Variants in OSBPL5 observed in about 807,000 individuals in gnomAD.
OSBPL5 encodes the protein oxysterol binding protein like 5, also known as oxysterol-binding protein-related protein 5.
OSBPL5 carries 71 observed loss-of-function variants against 111.2 expected under a neutral mutation model. The observed-to-expected ratio is 0.64, with a 90% CI of 0.53 to 0.78. OSBPL5 has a LOEUF of 0.78. OSBPL5 is among the 30% of genes least tolerant of loss of function. The pLI, the probability that OSBPL5 is intolerant of heterozygous loss-of-function variation, is 0.00. For synonymous variants in OSBPL5, 549 were observed against 513.9 expected (o/e 1.07, Z -0.93); for missense variants, 1,210 against 1,189.3 (o/e 1.02, Z -0.26).
At chr11:3,097,773 A>G (rs1564825353) in intron 14 of OSBPL5, among the ~76,000 whole-genome samples, 2 of 152,180 alleles carry the variant, frequency 1.3e-5, no homozygotes, top group Non-Finnish European at 1.5e-5. Context: ...CGAGTATAAA[A>G]AGAACAGGCA....
chr11:3,092,285 A>G lies in OSBPL5; in HGVS notation c.2259+147T>C, dbSNP rs762376632. On this transcript the variant is annotated intron_variant, in intron 19 of 21. Coordinates refer to ENST00000263650, the MANE Select transcript of OSBPL5 (RefSeq NM_020896.4). The surrounding 1 kb of genome is among the most constrained non-coding windows in gnomAD (Gnocchi z 5.4). ...GTTTCCTGAGTCCCATGCTCGGCAG[A>G]GAAGGAAAGGGGACGAGGGGGCTGG... 2.5e-6 allele frequency: 3 copies of G among 1,181,338 alleles called. No individual in the cohort carries two copies. The highest frequency in any genetic ancestry group is 1.7e-5 in the South Asian group (1 of 59,284). 73.2% of individuals were successfully genotyped at this position (1,181,338 alleles called of 1,614,324 possible).
rs1404510839 is a variant in OSBPL5, at chr11:3,107,746, G to A, written c.866+25C>T. The A allele has an allele frequency of 1.9e-6, 3 of 1,607,326 alleles. No homozygotes were observed. The highest frequency in any genetic ancestry group is 2.5e-6 in the Non-Finnish European group (3 of 1,179,014). On this transcript the variant is annotated intron_variant, in intron 8 of 21. Transcript: ENST00000263650. The surrounding 1 kb of genome is among the most constrained non-coding windows in gnomAD (Gnocchi z 6.1). ...AAGGAGACCCCGTGAATCACCACCAGCCCCTGTGCCCTCGCCCCACTCACG... is the reference window on the plus strand; with the variant it reads ...AAGGAGACCCCGTGAATCACCACCAACCCCTGTGCCCTCGCCCCACTCACG...
At position 3,093,583 on chromosome 11, in the gene OSBPL5, C is replaced by G. The variant is rs375468420; in HGVS notation, c.1890G>C (p.Gln630His). ...FWTPSGEVRR[Q>H]RLRQHTVPLE... is the part of the protein sequence containing the mutation. Reference sequence around the variant, plus strand: ...GCGGCACCGTGTGCTGCCTCAGCCTCTGTCTGCGGACCTCCCCGCTCGGGG... The same window carrying G: ...GCGGCACCGTGTGCTGCCTCAGCCTGTGTCTGCGGACCTCCCCGCTCGGGG... The change falls in exon 17 of 22, where the codon CAG becomes CAC. Residue 630 changes from glutamine (Q) to histidine (H), a missense_variant. Coordinates refer to ENST00000263650, the MANE Select transcript of OSBPL5 (RefSeq NM_020896.4). The G allele has an allele frequency of 1.2e-6, 2 of 1,612,528 alleles. No individual in the cohort carries two copies. Among genetic ancestry groups the G allele is most frequent in the Non-Finnish European group, 1.7e-6 (2 of 1,179,986 alleles).
chr11:3,112,042 C>CATGTGTGTGCGCGTGTGTGT, intron 7 of OSBPL5, among the ~76,000 whole-genome samples: 1 of 82,380 alleles, frequency 1.2e-5, no homozygotes, highest in Admixed American at 1.2e-4. Context: ...TGTATGTGTG[C>CATGTGTGTGCGCGTGTGTGT]GCGCATGTGT....
At chr11:3,147,806 G>A (rs1846411079) in intron 1 of OSBPL5, among the ~76,000 whole-genome samples, 1 of 152,216 alleles carries the variant, frequency 6.6e-6, no homozygotes, top group Admixed American at 6.5e-5. Context: ...GCGCTGGGGA[G>A]GAACAGGACC....
Position 3,088,334 on chromosome 11 carries a change from C to A in OSBPL5, c.2511G>T (p.Ser837=). 6.4e-7 allele frequency: 1 copy of A among 1,570,416 alleles called. No homozygotes were observed. Among genetic ancestry groups the A allele is most frequent in the Non-Finnish European group, 8.6e-7 (1 of 1,161,452 alleles). ...CCCGTGCCGTGGAGCTCAGCATGGC[C>A]GAGAGGTGCCTGCAAGGACAGGCGA... ...EAQQELHRHL[S]AMLSSTARAA... is the part of the protein sequence containing the mutation. Residue 837 remains serine, a synonymous_variant, in exon 22 of 22, where the codon TCG becomes TCT. Coordinates refer to ENST00000263650, the MANE Select transcript of OSBPL5 (RefSeq NM_020896.4).
chr11:3,159,103 C>T (rs185963487), intron 1 of OSBPL5, among the ~76,000 whole-genome samples: 2 of 152,262 alleles, frequency 1.3e-5, no homozygotes, highest in East Asian at 3.9e-4. Flanking sequence ...GCCAGCCACC[C>T]TCTGAACACA....
chr11:3,124,024 G>A (rs186846675), intron 3 of OSBPL5, among the ~76,000 whole-genome samples: 98 of 152,338 alleles, frequency 6.4e-4, no homozygotes, highest in Middle Eastern at 3.4e-3. Flanking sequence ...CCACCAGCAC[G>A]CAGAGGCGGG....
chr11:3,103,263 C>A lies in OSBPL5; in HGVS notation c.1302G>T (p.Leu434=), dbSNP rs1857519623. 6.2e-7 allele frequency: 1 copy of A among 1,607,092 alleles called. No individual in the cohort carries two copies. The highest frequency in any genetic ancestry group is 1.3e-5 in the African/African-American group (1 of 74,750). The change falls in exon 11 of 22, where the codon CTG becomes CTT. Residue 434 remains leucine (L), a synonymous_variant. Transcript: ENST00000263650. The stretch of plus-strand genomic sequence containing the variant: ...CCTTGGGCTTCTTGTAGAAGCCAGA[C>A]AGGTACCACCGCAGCACCAGCTTCA... ...SRMKLVLRWY[L]SGFYKKPKGI...
chr11:3,098,856 ATGCACT>A (rs1202315333), intron 14 of OSBPL5, among the ~76,000 whole-genome samples: 1 of 149,364 alleles, frequency 6.7e-6, no homozygotes, highest in African/African-American at 2.5e-5. Context: ...CCAGGCTGGC[ATGCACT>A]GGTGCCACGA....
In OSBPL5 at chr11:3,100,250, G is replaced by A. The variant is rs1317705761; in HGVS notation, c.1529C>T (p.Ser510Leu). Residue 510 changes from serine (S) to leucine (L), a missense_variant, in exon 14 of 22, where the codon TCG (serine) becomes TTG (leucine). Transcript: ENST00000263650. ...ITAKSRFYGN[S>L]LSALLDGKAT... ...TTTGCCGTCCAGCAGCGCCGACAGC[G>A]AGTTCCCTGCAGAGACAAGAGACAG... 6.8e-6 allele frequency: 11 copies of A among 1,613,800 alleles called. No individual in the cohort carries two copies. Among genetic ancestry groups the A allele is most frequent in the African/African-American group, 4.0e-5 (3 of 74,892 alleles).
chr11:3,103,176 C>A, intron 11 of OSBPL5, 63 bp downstream of exon 11: 1 of 1,451,882 alleles, frequency 6.9e-7, no homozygotes. Flanking sequence ...TGCCAAGGGA[C>A]GAGGGCTGAG....
At chr11:3,094,127 G>T (rs377243490) in intron 15 of OSBPL5, 110 bp downstream of exon 15, 1 of 1,065,454 alleles carries the variant, frequency 9.4e-7, no homozygotes, top group Non-Finnish European at 1.4e-6. Context: ...CTCCCCTTAT[G>T]TGCACTGCCT....
chr11:3,120,111 G>A lies in OSBPL5; in HGVS notation c.606+310C>T, dbSNP rs550322337. 6 of 511,792 alleles carry A rather than the reference G, an allele frequency of 1.2e-5. No homozygotes were observed. In the South Asian group the frequency reaches 1.4e-4, roughly 12 times the overall value. 31.7% of individuals were successfully genotyped at this position (511,792 alleles called of 1,614,324 possible). On this transcript the variant is annotated intron_variant, in intron 6 of 21. Transcript: ENST00000263650. ...GCAGGGCAGCCCCGGGTTAGGAGGGGTGAGGGCTGGGCGCTGTTCCTCGGC... is the reference window on the plus strand; with the variant it reads ...GCAGGGCAGCCCCGGGTTAGGAGGGATGAGGGCTGGGCGCTGTTCCTCGGC...
intron 1 of OSBPL5, among the ~76,000 whole-genome samples, chr11:3,145,175 C>G (rs192338205): frequency 6.6e-6 from 1 of 152,220 alleles, no homozygotes; most frequent in Admixed American, 6.5e-5. Flanking sequence ...CTGGATTTGA[C>G]GAAGCCCATC....
intron 7 of OSBPL5, among the ~76,000 whole-genome samples, chr11:3,116,174 GT>G (rs1270204158): frequency 1.3e-5 from 2 of 152,114 alleles, no homozygotes; most frequent in African/African-American, 4.8e-5. Flanking sequence ...GTACAAATAT[GT>G]TACTGGTATG....
chr11:3,088,421 T>G, intron 21 of OSBPL5, 78 bp from the exon 22 acceptor site: 1 of 1,368,874 alleles, frequency 7.3e-7, no homozygotes, highest in Non-Finnish European at 9.4e-7. Context: ...GACAGTGCCC[T>G]GGGTACTTGA....
chr11:3,152,412 G>C (rs973641565), intron 1 of OSBPL5, among the ~76,000 whole-genome samples: 2 of 152,310 alleles, frequency 1.3e-5, no homozygotes, highest in Admixed American at 1.3e-4. Context: ...TTGCCAAGGT[G>C]GTCTGCGCAC....
rs771789703 is a variant in OSBPL5 at position 3,122,115 on chromosome 11, C to A, written c.301-17G>T. ...CTTCTGCGCCTGGGCCCGGGGCACC[C>A]GCGGTGGGTCATGGGAGAAGGCACC... On this transcript the variant is annotated splice_polypyrimidine_tract_variant and intron_variant, in intron 4 of 21. Coordinates refer to ENST00000263650, the MANE Select transcript of OSBPL5 (RefSeq NM_020896.4). The A allele has an allele frequency of 2.6e-6, 4 of 1,547,294 alleles. No individual in the cohort carries two copies. The highest frequency in any genetic ancestry group is 3.5e-6 in the Non-Finnish European group (4 of 1,151,302).
Sources: gnomAD v4.1 joint callset for allele counts (sites outside exome capture counted in the v4.1 genomes callset) on GRCh38, gnomAD v4.1.1 for gene constraint, Gnocchi (gnomAD v3.1) non-coding constraint, MANE v1.5 for transcripts, NCBI Gene and HGNC (gene_info 2026-07-23, HGNC 2026-07-21) for gene names.